The following RMDN2 variants were observed in gnomAD, a reference collection of about 807,000 sequenced individuals.
RMDN2 encodes the protein regulator of microtubule dynamics protein 2.
A neutral mutation model predicts 52.8 loss-of-function variants in RMDN2; 61 were observed. That is an observed-to-expected ratio of 1.16 (90% CI 0.94 to 1.43). The LOEUF is 1.43. Among genes scored for constraint, RMDN2 ranks in the 40% most tolerant of loss-of-function variants. The probability of loss-of-function intolerance (pLI) is 0.00; values close to 1 mark genes in which losing one functional copy is unlikely to be tolerated. For missense variants in RMDN2, 592 were observed against 475.3 expected (o/e 1.25, Z -2.28); for synonymous variants, 180 against 153.1 (o/e 1.18, Z -1.30).
intron 4 of RMDN2, among the ~76,000 whole-genome samples, chr2:37,978,777 C>CAGAT (rs1213724373): frequency 0.44 from 65,418 of 148,668 alleles, 14,968 homozygotes; most frequent in Middle Eastern, 0.51. Flanking sequence ...GACCCTTTCT[C>CAGAT]AGATAGATAG....
downstream of RMDN2, chr2:38,017,819 G>A (rs1408613623): frequency 4.4e-6 from 1 of 224,782 alleles, no homozygotes; most frequent in East Asian, 1.5e-4. Context: ...TTTCATCTGG[G>A]TGCAGGCAGA....
chr2:37,926,195 T>G (rs1666264090), intron 1 of RMDN2, among the ~76,000 whole-genome samples: 1 of 152,248 alleles, frequency 6.6e-6, no homozygotes, highest in African/African-American at 2.4e-5. Flanking sequence ...ATTTTTCTCC[T>G]CTAAGGGTCT....
chr2:37,949,600 C>A (rs965578537), intron 2 of RMDN2, among the ~76,000 whole-genome samples: 13 of 152,112 alleles, frequency 8.5e-5, no homozygotes, highest in African/African-American at 2.9e-4. Context: ...AAACTAAAAT[C>A]AAATTACAAA....
chr2:38,001,020 A>T (rs1676247121), intron 8 of RMDN2, among the ~76,000 whole-genome samples: 1 of 152,162 alleles, frequency 6.6e-6, no homozygotes, highest in African/African-American at 2.4e-5. Flanking sequence ...CAATGTTGGG[A>T]GACAGGCTAC....
chr2:38,046,061 G>A (rs1196546152), intron 10 of RMDN2, among the ~76,000 whole-genome samples: 1 of 152,162 alleles, frequency 6.6e-6, no homozygotes, highest in Non-Finnish European at 1.5e-5. Flanking sequence ...CTGGAAAACT[G>A]CACACATACC....
At chr2:37,951,846 AG>A (rs766060278) in intron 2 of RMDN2, 1 of 1,613,648 alleles carries the variant, frequency 6.2e-7, no homozygotes, top group Non-Finnish European at 8.5e-7. Context: ...CTATCAACAA[AG>A]CACATCATCC....
chr2:37,993,057 C>T (rs144657260), intron 7 of RMDN2, among the ~76,000 whole-genome samples: 2 of 152,166 alleles, frequency 1.3e-5, no homozygotes, highest in Admixed American at 6.5e-5. Context: ...TGGGATTACA[C>T]GCGTGTGCCA....
chr2:37,952,052 T>G, intron 2 of RMDN2: 2 of 1,613,442 alleles, frequency 1.2e-6, no homozygotes, highest in Non-Finnish European at 1.7e-6. Flanking sequence ...CATTCCTCCA[T>G]AAAGCTGGAT....
At chr2:37,961,743 G>A (rs1403875868) in intron 2 of RMDN2, among the ~76,000 whole-genome samples, 1 of 152,108 alleles carries the variant, frequency 6.6e-6, no homozygotes, top group African/African-American at 2.4e-5. Context: ...CTGGCAAGGA[G>A]TTGTGATCCT....
At chr2:37,997,640 T>C (rs1675750374) in intron 8 of RMDN2, 126 bp downstream of exon 8, 1 of 680,532 alleles carries the variant, frequency 1.5e-6, no homozygotes, top group Admixed American at 2.6e-5. Flanking sequence ...TTTGGCATGT[T>C]CTGTTTTAAG....
intron 7 of RMDN2, among the ~76,000 whole-genome samples, chr2:37,991,935 T>C (rs1473399454): frequency 6.6e-6 from 1 of 152,064 alleles, no homozygotes; most frequent in Non-Finnish European, 1.5e-5. Context: ...GTGAAAAAAA[T>C]TATCGTGAAA....
At chr2:38,032,404 A>G (rs1680274140) in intron 10 of RMDN2, among the ~76,000 whole-genome samples, 1 of 152,252 alleles carries the variant, frequency 6.6e-6, no homozygotes, top group African/African-American at 2.4e-5. Flanking sequence ...AGATTCATCT[A>G]TGATATTGTA....
chr2:38,063,251 C>T (rs570210384), intron 10 of RMDN2, among the ~76,000 whole-genome samples: 170 of 152,266 alleles, frequency 1.1e-3, no homozygotes, highest in Admixed American at 2.2e-3. Context: ...AAAAGTGTTC[C>T]TATTTCTCCA....
chr2:38,010,319 C>T (rs376612068), intron 10 of RMDN2, among the ~76,000 whole-genome samples: 2 of 152,346 alleles, frequency 1.3e-5, no homozygotes, highest in Admixed American at 1.3e-4. Context: ...GTGGAGTCTA[C>T]AGAGGCAGGC....
At chr2:38,026,058 G>C (rs957008492) in intron 10 of RMDN2, among the ~76,000 whole-genome samples, 1 of 152,014 alleles carries the variant, frequency 6.6e-6, no homozygotes, top group African/African-American at 2.4e-5. Flanking sequence ...GAATTCACTC[G>C]TGAACCCATC....
chr2:37,976,632 T>C (rs890882414), intron 4 of RMDN2, among the ~76,000 whole-genome samples: 1 of 152,194 alleles, frequency 6.6e-6, no homozygotes, highest in African/African-American at 2.4e-5. Flanking sequence ...TGCATATTCA[T>C]CATCAGCTTT....
intron 5 of RMDN2, among the ~76,000 whole-genome samples, chr2:37,982,009 C>T (rs537721349): frequency 2.0e-5 from 3 of 152,052 alleles, no homozygotes; most frequent in African/African-American, 7.2e-5. Context: ...TTCTTTTTCT[C>T]TCCAGCAATA....
At chr2:37,929,197 C>G in intron 1 of RMDN2, 65 bp from the exon 2 acceptor site, 1 of 924,622 alleles carries the variant, frequency 1.1e-6, no homozygotes, top group Non-Finnish European at 1.6e-6. Flanking sequence ...TGAAAAAGCA[C>G]CTATATTTTT....
At chr2:37,965,547 A>G (rs1670927022) in intron 2 of RMDN2, among the ~76,000 whole-genome samples, 1 of 152,094 alleles carries the variant, frequency 6.6e-6, no homozygotes, top group African/African-American at 2.4e-5. Context: ...TACAAATTAC[A>G]TCTTTATGTT....
Sources: allele counts gnomAD v4.1 joint callset (sites outside exome capture counted in the v4.1 genomes callset), GRCh38; gene constraint gnomAD v4.1.1; transcripts MANE v1.5; gene names NCBI Gene and HGNC (gene_info 2026-07-23, HGNC 2026-07-21).